NELL1: variants seen among roughly 807,000 people sequenced by gnomAD.
The protein encoded by NELL1 is protein kinase C-binding protein NELL1.
In NELL1, 76 loss-of-function variants were observed where a neutral mutation model predicts 107.4. That is an observed-to-expected ratio of 0.71 (90% CI 0.59 to 0.86). The LOEUF (loss-of-function observed/expected upper bound fraction) is 0.86. Ranked by LOEUF, NELL1 falls within the 40% of genes least tolerant of loss-of-function variation. The pLI, the probability that NELL1 is intolerant of heterozygous loss-of-function variation, is 0.00. For missense variants in NELL1, 1,024 were observed against 1,005.5 expected, an observed-to-expected ratio of 1.02 and a Z score of -0.25; for synonymous variants, 353 against 341.2, an observed-to-expected ratio of 1.03 and a Z score of -0.38.
intron 1 of NELL1, among the ~76,000 whole-genome samples, chr11:20,673,242 A>T (rs1271032392): frequency 6.6e-6 from 1 of 152,142 alleles, no homozygotes; most frequent in Non-Finnish European, 1.5e-5. Flanking sequence ...ATGAGCCCCC[A>T]GCCTCCAAGG....
At chr11:21,040,871 G>A (rs1279607968) in intron 12 of NELL1, among the ~76,000 whole-genome samples, 1 of 152,060 alleles carries the variant, frequency 6.6e-6, no homozygotes, top group Non-Finnish European at 1.5e-5. Flanking sequence ...ATTCTAAAAG[G>A]ATACCATTGT....
intron 2 of NELL1, among the ~76,000 whole-genome samples, chr11:20,778,315 C>G (rs117432792): frequency 0.014 from 2,147 of 152,188 alleles, 20 homozygotes; most frequent in Admixed American, 0.022. Flanking sequence ...TCCCCAGTGC[C>G]AACCACAGTG....
chr11:21,050,270 C>T (rs534121428), intron 12 of NELL1, among the ~76,000 whole-genome samples: 5 of 134,662 alleles, frequency 3.7e-5, no homozygotes, highest in African/African-American at 6.3e-5. Context: ...AACCCATCCC[C>T]GCCCCCCACT....
chr11:21,574,890 G>GTTGT, intron 19 of NELL1, 82 bp from the exon 20 acceptor site: 1 of 1,169,800 alleles, frequency 8.5e-7, no homozygotes, highest in Non-Finnish European at 1.3e-6. Flanking sequence ...AATGCTGAAA[G>GTTGT]TTGTTTTGAG....
At chr11:20,715,672 C>G (rs1052245409) in intron 2 of NELL1, among the ~76,000 whole-genome samples, 4 of 152,234 alleles carry the variant, frequency 2.6e-5, no homozygotes, top group African/African-American at 9.6e-5. Context: ...TTAACCAGGA[C>G]AGATGGTTGT....
intron 14 of NELL1, among the ~76,000 whole-genome samples, chr11:21,363,039 G>A (rs1031326039): frequency 6.6e-6 from 1 of 151,972 alleles, no homozygotes; most frequent in Non-Finnish European, 1.5e-5. Context: ...CTCAGGCCTT[G>A]CCCCAGGCCA....
At chr11:21,507,777 C>A (rs1590989581) in intron 15 of NELL1, among the ~76,000 whole-genome samples, 1 of 142,060 alleles carries the variant, frequency 7.0e-6, no homozygotes, top group Non-Finnish European at 1.5e-5. Flanking sequence ...AAAGTTTTTT[C>A]TTTTCTTTTC....
chr11:21,278,264 C>T (rs1848916079), intron 14 of NELL1, among the ~76,000 whole-genome samples: 1 of 151,964 alleles, frequency 6.6e-6, no homozygotes, highest in Non-Finnish European at 1.5e-5. Context: ...CTGTTTTTTT[C>T]TTAGCATAGT....
chr11:21,117,575 G>A (rs1309912354), intron 13 of NELL1, among the ~76,000 whole-genome samples: 3 of 151,976 alleles, frequency 2.0e-5, no homozygotes, highest in Non-Finnish European at 4.4e-5. Flanking sequence ...ATTTATCATA[G>A]CACTTTTATC....
At chr11:20,792,344 T>C (rs1239051601) in intron 3 of NELL1, among the ~76,000 whole-genome samples, 2 of 151,990 alleles carry the variant, frequency 1.3e-5, no homozygotes, top group African/African-American at 2.4e-5. Context: ...ATCTCCATAA[T>C]AGTGGTAAAT....
At chr11:20,889,742 G>T (rs572253837) in intron 5 of NELL1, among the ~76,000 whole-genome samples, 1 of 152,130 alleles carries the variant, frequency 6.6e-6, no homozygotes, top group South Asian at 2.1e-4. Context: ...GGAACAGTGC[G>T]GTGCGACGGC....
At chr11:21,011,849 A>G (rs1852453921) in intron 12 of NELL1, among the ~76,000 whole-genome samples, 1 of 152,152 alleles carries the variant, frequency 6.6e-6, no homozygotes, top group Non-Finnish European at 1.5e-5. Context: ...TGCATAATGA[A>G]CATCCAATAA....
intron 15 of NELL1, among the ~76,000 whole-genome samples, chr11:21,495,348 T>C (rs1854949986): frequency 6.6e-6 from 1 of 152,164 alleles, no homozygotes; most frequent in Admixed American, 6.6e-5. Context: ...TGATTCCTTT[T>C]TATGGCCGAA....
intron 5 of NELL1, among the ~76,000 whole-genome samples, chr11:20,897,669 C>G (rs1564956227): frequency 6.6e-6 from 1 of 152,150 alleles, no homozygotes; most frequent in African/African-American, 2.4e-5. Flanking sequence ...ATCTACTCAT[C>G]TGACAAAGGG....
intron 2 of NELL1, among the ~76,000 whole-genome samples, chr11:20,736,054 T>C (rs536034444): frequency 2.7e-4 from 41 of 152,092 alleles, no homozygotes; most frequent in African/African-American, 9.6e-4. Flanking sequence ...GAGAGGATAA[T>C]GAATATGGAT....
At chr11:20,867,253 G>A (rs1050424401) in intron 4 of NELL1, among the ~76,000 whole-genome samples, 1 of 152,036 alleles carries the variant, frequency 6.6e-6, no homozygotes, top group Non-Finnish European at 1.5e-5. Context: ...ATTTCTCAAT[G>A]GTTTCCTTTT....
At chr11:20,950,013 T>C (rs144731054) in intron 11 of NELL1, among the ~76,000 whole-genome samples, 15 of 152,318 alleles carry the variant, frequency 9.8e-5, no homozygotes, top group Non-Finnish European at 1.2e-4. Flanking sequence ...GGACAGGAAC[T>C]AGAGCATGTC....
In NELL1 at chr11:20,989,809, G is replaced by A. The variant is rs370774540; in HGVS notation, c.1300+29249G>A. On this transcript the variant is annotated intron_variant, in intron 12 of 19. Coordinates refer to ENST00000357134, the MANE Select transcript of NELL1 (RefSeq NM_006157.5). ...AGATGGAGACCATCCTGGCTAACACGGTGAAACCCTGTCTCTACTAAAAAT... is the reference window on the plus strand; with the variant it reads ...AGATGGAGACCATCCTGGCTAACACAGTGAAACCCTGTCTCTACTAAAAAT... 3.3e-5 allele frequency among the ~76,000 whole-genome samples: 5 copies of A among 151,972 alleles called. No homozygotes were observed. In the East Asian group the frequency reaches 5.8e-4, roughly 18 times the overall value.
At chr11:21,285,891 TA>T (rs1218940197) in intron 14 of NELL1, among the ~76,000 whole-genome samples, 1 of 152,232 alleles carries the variant, frequency 6.6e-6, no homozygotes, top group East Asian at 1.9e-4. Flanking sequence ...GGAGACAAAC[TA>T]AAATAACTTT....
Sources: allele counts gnomAD v4.1 joint callset (sites outside exome capture counted in the v4.1 genomes callset), GRCh38; gene constraint gnomAD v4.1.1; transcripts MANE v1.5; gene names NCBI Gene and HGNC (gene_info 2026-07-23, HGNC 2026-07-21).